Variants in RAB3C observed in about 807,000 individuals in gnomAD.
The protein encoded by RAB3C is RAB3C, member RAS oncogene family, also known as ras-related protein Rab-3C.
RAB3C carries 17 observed loss-of-function variants against 26.4 expected under a neutral mutation model. That is an observed-to-expected ratio of 0.64 (90% CI 0.44 to 0.97). The LOEUF is 0.97. Among genes scored for constraint, RAB3C ranks in the 50% least tolerant of loss-of-function variants. The pLI is 0.00. For synonymous variants in RAB3C, 91 were observed against 95.9 expected (o/e 0.95, Z 0.30); for missense variants, 242 against 281.9 (o/e 0.86, Z 1.01).
chr5:58,607,594 C>A (rs920171413), intron 1 of RAB3C, among the ~76,000 whole-genome samples: 1 of 152,024 alleles, frequency 6.6e-6, no homozygotes, highest in Admixed American at 6.6e-5. Context: ...GAATCACAAC[C>A]CCAAGACACA....
rs571940681 is a variant in RAB3C, at chr5:58,833,324, T to TCACACACACACACACACACA, written c.496+8181_496+8200dup. Among the ~76,000 whole-genome samples the TCACACACACACACACACACA allele has an allele frequency of 6.9e-4, 98 of 141,138 alleles. 1 individual carries two copies. Among genetic ancestry groups the TCACACACACACACACACACA allele is most frequent in the Admixed American group, 1.2e-3 (17 of 13,900 alleles). The allele number at this position is 141,138 out of a possible 152,430, so 92.6% of individuals were successfully genotyped here. On this transcript the variant is annotated intron_variant, in intron 4 of 4. Coordinates refer to ENST00000282878, the MANE Select transcript of RAB3C (RefSeq NM_138453.4). ...TTTAAAAACCATGGCACGGACCCCA[T>TCACACACACACACACACACA]CACACACACACACACACACACACAC...
At chr5:58,764,962 A>G (rs1741868294) in intron 3 of RAB3C, among the ~76,000 whole-genome samples, 2 of 152,136 alleles carry the variant, frequency 1.3e-5, no homozygotes, top group African/African-American at 2.4e-5. Flanking sequence ...TTGCATGCAT[A>G]TGATAGTTAT....
chr5:58,778,256 A>G (rs1742193574), intron 3 of RAB3C, among the ~76,000 whole-genome samples: 1 of 152,158 alleles, frequency 6.6e-6, no homozygotes, highest in Non-Finnish European at 1.5e-5. Context: ...TCTGAAGATT[A>G]TATAGAATCT....
intron 3 of RAB3C, among the ~76,000 whole-genome samples, chr5:58,768,726 C>T (rs1741961544): frequency 6.6e-6 from 1 of 151,706 alleles, no homozygotes; most frequent in Admixed American, 6.6e-5. Context: ...TGAGTCCAAG[C>T]AGCAGCAAAA....
At chr5:58,759,969 G>A (rs188671736) in intron 3 of RAB3C, among the ~76,000 whole-genome samples, 3 of 152,292 alleles carry the variant, frequency 2.0e-5, no homozygotes, top group East Asian at 1.9e-4. Context: ...TGTCACTGCC[G>A]AAGTGGAACT....
At chr5:58,586,569 C>T (rs1201352381) in intron 1 of RAB3C, among the ~76,000 whole-genome samples, 1 of 152,112 alleles carries the variant, frequency 6.6e-6, no homozygotes, top group East Asian at 1.9e-4. Flanking sequence ...GGCAGGGTCA[C>T]GTACTCTCTT....
In RAB3C at chr5:58,759,355, T is replaced by A. The variant is rs980628376; in HGVS notation, c.371+33235T>A. 9.2e-5 allele frequency among the ~76,000 whole-genome samples: 14 copies of A among 152,288 alleles called. No homozygotes were observed. The East Asian group carries it at 2.7e-3, about 29-fold the overall frequency. On this transcript the variant is annotated intron_variant, in intron 3 of 4. Coordinates refer to ENST00000282878, the MANE Select transcript of RAB3C (RefSeq NM_138453.4). ...CAGAGACCCCAAGCTGTTCCCTGCATCCAGGTGCATGCAATAGGTGCAACG... is the reference window on the plus strand; with the variant it reads ...CAGAGACCCCAAGCTGTTCCCTGCAACCAGGTGCATGCAATAGGTGCAACG...
intron 3 of RAB3C, among the ~76,000 whole-genome samples, chr5:58,783,889 A>G (rs1040858015): frequency 6.6e-5 from 10 of 152,176 alleles, no homozygotes; most frequent in African/African-American, 2.4e-4. Flanking sequence ...TTCATGGTAA[A>G]CAAGCATTTT....
At chr5:58,776,206 G>A (rs1742137285) in intron 3 of RAB3C, among the ~76,000 whole-genome samples, 1 of 152,042 alleles carries the variant, frequency 6.6e-6, no homozygotes, top group African/African-American at 2.4e-5. Context: ...CTAAGCTTAA[G>A]GATGTCATAC....
intron 3 of RAB3C, among the ~76,000 whole-genome samples, chr5:58,799,003 G>T (rs1329048654): frequency 6.6e-6 from 1 of 152,178 alleles, no homozygotes; most frequent in Non-Finnish European, 1.5e-5. Flanking sequence ...AATAATGTGT[G>T]CTCCTTAACT....
In RAB3C at chr5:58,717,253, C is replaced by A. The variant is rs1030733838; in HGVS notation, c.253-8749C>A. ...ACCATAAATCTGACTATATTCTCAGCGACTGGTAGTACAATCAAAAGAGCA... is the reference window on the plus strand; with the variant it reads ...ACCATAAATCTGACTATATTCTCAGAGACTGGTAGTACAATCAAAAGAGCA... On this transcript the variant is annotated intron_variant, in intron 2 of 4. Coordinates refer to ENST00000282878, the MANE Select transcript of RAB3C (RefSeq NM_138453.4). 9.2e-5 allele frequency among the ~76,000 whole-genome samples: 14 copies of A among 152,088 alleles called. No homozygotes were observed. In the South Asian group the frequency reaches 1.0e-3, roughly 11 times the overall value.
In RAB3C at chr5:58,840,771, G is replaced by A. The variant is rs138245231; in HGVS notation, c.497-10393G>A. ...GTGGTCTAGGCTGAGAGAGTCTGTGGCACCAGTGGTGTGGCTTTGTAGGAT... is the reference window on the plus strand; with the variant it reads ...GTGGTCTAGGCTGAGAGAGTCTGTGACACCAGTGGTGTGGCTTTGTAGGAT... On this transcript the variant is annotated intron_variant, in intron 4 of 4. Transcript: ENST00000282878. Among the ~76,000 whole-genome samples the A allele has an allele frequency of 3.2e-4, 48 of 152,206 alleles. No individual in the cohort carries two copies. The East Asian group carries it at 7.7e-3, about 25-fold the overall frequency.
At chr5:58,607,104 C>T (rs1746590752) in intron 1 of RAB3C, among the ~76,000 whole-genome samples, 1 of 152,172 alleles carries the variant, frequency 6.6e-6, no homozygotes, top group Non-Finnish European at 1.5e-5. Context: ...TCAGTAATAA[C>T]AAACATCTCT....
At chr5:58,803,871 C>T (rs2112030299) in intron 3 of RAB3C, among the ~76,000 whole-genome samples, 1 of 152,080 alleles carries the variant, frequency 6.6e-6, no homozygotes, top group South Asian at 2.1e-4. Flanking sequence ...CCAGCCTGGC[C>T]AACATAGTGA....
At chr5:58,840,833 T>C (rs1743860241) in intron 4 of RAB3C, among the ~76,000 whole-genome samples, 1 of 152,178 alleles carries the variant, frequency 6.6e-6, no homozygotes, top group South Asian at 2.1e-4. Context: ...TGGAGGCATA[T>C]ATATGCACAC....
intron 3 of RAB3C, among the ~76,000 whole-genome samples, chr5:58,806,255 C>T (rs916019550): frequency 2.0e-5 from 3 of 152,128 alleles, no homozygotes; most frequent in Middle Eastern, 3.2e-3. Flanking sequence ...AGTCCCATCT[C>T]ATAGGGCTGA....
chr5:58,716,339 G>A (rs895397614), intron 2 of RAB3C, among the ~76,000 whole-genome samples: 4 of 152,050 alleles, frequency 2.6e-5, no homozygotes, highest in Non-Finnish European at 5.9e-5. Flanking sequence ...TCAAAAGCGA[G>A]ATGATAACAT....
chr5:58,800,597 C>T (rs965371584), intron 3 of RAB3C, among the ~76,000 whole-genome samples: 5 of 152,230 alleles, frequency 3.3e-5, no homozygotes, highest in South Asian at 2.1e-4. Flanking sequence ...CTGTGGCGCG[C>T]GCATCAGGGC....
chr5:58,707,988 C>CTTTTTTTTTTTTTTTTTTTTTT (rs35213627), intron 2 of RAB3C, among the ~76,000 whole-genome samples: 1 of 142,568 alleles, frequency 7.0e-6, no homozygotes. Flanking sequence ...TCTTTCTTTC[C>CTTTTTTTTTTTTTTTTTTTTTT]TTTTTTTTTT....
Sources: gnomAD v4.1 joint callset for allele counts (sites outside exome capture counted in the v4.1 genomes callset) on GRCh38, gnomAD v4.1.1 for gene constraint, MANE v1.5 for transcripts, NCBI Gene and HGNC (gene_info 2026-07-23, HGNC 2026-07-21) for gene names.